Variants in NAALADL2 observed in about 807,000 individuals in gnomAD.
The protein encoded by NAALADL2 is inactive N-acetylated-alpha-linked acidic dipeptidase-like protein 2.
In NAALADL2, 76 loss-of-function variants were observed where a neutral mutation model predicts 87.2. The observed-to-expected ratio is 0.87, with a 90% CI of 0.72 to 1.05. The LOEUF (loss-of-function observed/expected upper bound fraction) is 1.05. Ranked by LOEUF, NAALADL2 falls within the 50% of genes least tolerant of loss-of-function variation. The pLI, the probability that NAALADL2 is intolerant of heterozygous loss-of-function variation, is 0.00. For synonymous variants in NAALADL2, 354 were observed against 331.0 expected, an observed-to-expected ratio of 1.07 and a Z score of -0.75; for missense variants, 1,089 against 945.8, an observed-to-expected ratio of 1.15 and a Z score of -1.99.
intron 3 of NAALADL2, among the ~76,000 whole-genome samples, chr3:174,821,530 G>T (rs73035904): frequency 0.011 from 1,696 of 152,208 alleles, 22 homozygotes; most frequent in African/African-American, 0.039. Context: ...GTGATGAAAA[G>T]CCTGTTTTCC....
chr3:174,611,336 TAAAAA>T (rs529226711), intron 2 of NAALADL2, among the ~76,000 whole-genome samples: 2 of 151,620 alleles, frequency 1.3e-5, no homozygotes, highest in Admixed American at 6.6e-5. Context: ...TAAAAATAAA[TAAAAA>T]AAAGTAAAAC....
chr3:174,859,621 G>C (rs1271371340), intron 1 of NAALADL2, among the ~76,000 whole-genome samples, 171 bp downstream of exon 1: 1 of 152,102 alleles, frequency 6.6e-6, no homozygotes, highest in Non-Finnish European at 1.5e-5. Flanking sequence ...AAGAGGTGGA[G>C]ATTGTTGATT....
At chr3:175,740,730 C>T (rs1403850498) in intron 12 of NAALADL2, among the ~76,000 whole-genome samples, 1 of 152,132 alleles carries the variant, frequency 6.6e-6, no homozygotes, top group African/African-American at 2.4e-5. Context: ...AAGCATTGTA[C>T]CTAGGGCGGA....
intron 1 of NAALADL2, among the ~76,000 whole-genome samples, chr3:174,970,172 A>C (rs1251585818): frequency 2.0e-5 from 3 of 152,240 alleles, no homozygotes; most frequent in African/African-American, 4.8e-5. Context: ...TAGATAAAAA[A>C]TGAGATTGAT....
intron 5 of NAALADL2, among the ~76,000 whole-genome samples, chr3:175,398,883 G>C (rs545716853): frequency 1.3e-5 from 2 of 151,828 alleles, no homozygotes; most frequent in Non-Finnish European, 2.9e-5. Flanking sequence ...TGGATCTTGC[G>C]CAAGAAAGAA....
intron 3 of NAALADL2, among the ~76,000 whole-genome samples, chr3:174,817,012 G>A (rs1720884726): frequency 6.6e-6 from 1 of 152,030 alleles, no homozygotes; most frequent in African/African-American, 2.4e-5. Flanking sequence ...TCAGTCACTG[G>A]GTGTTCTACA....
At chr3:175,568,382 T>C (rs1717547504) in intron 9 of NAALADL2, among the ~76,000 whole-genome samples, 1 of 152,108 alleles carries the variant, frequency 6.6e-6, no homozygotes, top group African/African-American at 2.4e-5. Flanking sequence ...TATAGATGCG[T>C]AGTTTGTTAC....
chr3:174,713,981 G>A (rs1225839562), intron 2 of NAALADL2, among the ~76,000 whole-genome samples: 1 of 152,102 alleles, frequency 6.6e-6, no homozygotes, highest in Admixed American at 6.5e-5. Context: ...TTTTATATAA[G>A]GTGTGAGGAA....
At chr3:175,495,927 T>C (rs749136926) in intron 9 of NAALADL2, among the ~76,000 whole-genome samples, 1 of 152,158 alleles carries the variant, frequency 6.6e-6, no homozygotes, top group Non-Finnish European at 1.5e-5. Context: ...TCCTAGATTT[T>C]ACTTCTTCCA....
At chr3:175,174,195 A>G (rs1735319013) in intron 2 of NAALADL2, among the ~76,000 whole-genome samples, 1 of 152,156 alleles carries the variant, frequency 6.6e-6, no homozygotes, top group South Asian at 2.1e-4. Context: ...AATCCATATA[A>G]CAAATATTTT....
intron 4 of NAALADL2, among the ~76,000 whole-genome samples, chr3:175,321,716 A>T (rs1284814485): frequency 4.5e-5 from 6 of 132,306 alleles, no homozygotes; most frequent in African/African-American, 1.9e-4. Flanking sequence ...GAGCCAAATC[A>T]TGAGTGAACT....
At chr3:174,905,466 G>T (rs143200484) in intron 1 of NAALADL2, among the ~76,000 whole-genome samples, 1 of 152,094 alleles carries the variant, frequency 6.6e-6, no homozygotes. Context: ...ATTGGCATCA[G>T]TTTGGTAAAA....
At chr3:174,734,775 C>A (rs2108992886) in intron 2 of NAALADL2, among the ~76,000 whole-genome samples, 1 of 152,202 alleles carries the variant, frequency 6.6e-6, no homozygotes, top group South Asian at 2.1e-4. Context: ...ACCTTAAGCA[C>A]CTTTTTCTCT....
chr3:174,794,512 G>C (rs930368746), intron 3 of NAALADL2, among the ~76,000 whole-genome samples: 6 of 152,188 alleles, frequency 3.9e-5, no homozygotes, highest in Middle Eastern at 3.4e-3. Context: ...AATTGCTGGA[G>C]GTTGATTACA....
chr3:175,539,082 C>T (rs192318625), intron 9 of NAALADL2, among the ~76,000 whole-genome samples: 16 of 152,314 alleles, frequency 1.1e-4, no homozygotes, highest in African/African-American at 3.8e-4. Flanking sequence ...ATTAGACCTA[C>T]ATGACTGTTG....
chr3:174,884,309 C>T (rs997269077), intron 1 of NAALADL2, among the ~76,000 whole-genome samples: 15 of 152,272 alleles, frequency 9.9e-5, no homozygotes, highest in Middle Eastern at 6.8e-3. Flanking sequence ...CATATGTGAC[C>T]TTCTGGAGAA....
intron 1 of NAALADL2, among the ~76,000 whole-genome samples, chr3:174,936,136 G>A (rs1737656537): frequency 6.6e-6 from 1 of 152,082 alleles, no homozygotes; most frequent in African/African-American, 2.4e-5. Context: ...ACCTAAGGGT[G>A]AGTGTTCACT....
At chr3:175,263,153 C>T (rs2109922097) in intron 4 of NAALADL2, among the ~76,000 whole-genome samples, 1 of 151,954 alleles carries the variant, frequency 6.6e-6, no homozygotes, top group South Asian at 2.1e-4. Context: ...CTGCTGTTTT[C>T]AAATCAGACT....
chr3:175,271,137 C>A (rs1752772486), intron 4 of NAALADL2: 1 of 152,068 alleles, frequency 6.6e-6, no homozygotes, highest in Admixed American at 6.5e-5. Flanking sequence ...GGCAATAGAG[C>A]AGCAAAGTCT....
Sources: gnomAD v4.1 joint callset for allele counts (sites outside exome capture counted in the v4.1 genomes callset) on GRCh38, gnomAD v4.1.1 for gene constraint, MANE v1.5 for transcripts, NCBI Gene and HGNC (gene_info 2026-07-23, HGNC 2026-07-21) for gene names.